The following RFT1 variants were observed in gnomAD, a reference collection of about 807,000 sequenced individuals.
RFT1 encodes RFT1 glycolipid translocator homolog, also known as man(5)GlcNAc(2)-PP-dolichol translocation protein RFT1.
Under a neutral mutation model 62.2 loss-of-function variants are expected in RFT1, and 43 were observed. The ratio of observed to expected loss-of-function variants is 0.69; its 90% CI spans 0.54 to 0.89. The LOEUF (loss-of-function observed/expected upper bound fraction) is 0.89. Among genes scored for constraint, RFT1 ranks in the 40% least tolerant of loss-of-function variants. The probability of loss-of-function intolerance (pLI) is 0.00; values close to 1 mark genes in which losing one functional copy is unlikely to be tolerated. For missense variants in RFT1, 605 were observed against 649.9 expected, an observed-to-expected ratio of 0.93 and a Z score of 0.75; for synonymous variants, 262 against 264.6, an observed-to-expected ratio of 0.99 and a Z score of 0.10.
chr3:53,103,374 C>T (rs1701371513), intron 10 of RFT1: 1 of 599,552 alleles, frequency 1.7e-6, no homozygotes, highest in Admixed American at 6.3e-5. Context: ...CAAGACCTAA[C>T]AAGTGCTGTG....
intron 11 of RFT1, among the ~76,000 whole-genome samples, chr3:53,095,563 A>G (rs1701115996): frequency 6.6e-6 from 1 of 152,118 alleles, no homozygotes; most frequent in Admixed American, 6.5e-5. Context: ...CAAAAAATAC[A>G]AAAATTAGCT....
chr3:53,070,622 C>T, the RFT1 span, among the ~76,000 whole-genome samples: 21 of 149,354 alleles, frequency 1.4e-4, no homozygotes, highest in Non-Finnish European at 2.1e-4. Context: ...AGGCTGGTCT[C>T]GAACTCCTGA....
intron 11 of RFT1, among the ~76,000 whole-genome samples, chr3:53,098,427 T>TGAGACACTCCCTCCCCATCC (rs369979654): frequency 0.07 from 10,686 of 151,638 alleles, 1,248 homozygotes; most frequent in African/African-American, 0.24. Flanking sequence ...GGTCCCCATT[T>TGAGACACTCCCTCCCCATCC]GAGACACTCC....
At chr3:53,127,497 C>G (rs1702138857) in intron 1 of RFT1, among the ~76,000 whole-genome samples, 1 of 152,000 alleles carries the variant, frequency 6.6e-6, no homozygotes, top group African/African-American at 2.4e-5. Flanking sequence ...GTCAGGAGAT[C>G]GAGACCATCC....
intron 9 of RFT1, 81 bp downstream of exon 9, chr3:53,105,592 A>G: frequency 6.6e-7 from 1 of 1,513,200 alleles, no homozygotes. Flanking sequence ...AACAGAAGAG[A>G]AACAGACTGC....
intron 6 of RFT1, among the ~76,000 whole-genome samples, chr3:53,118,537 A>T (rs1232758495): frequency 6.6e-6 from 1 of 152,214 alleles, no homozygotes; most frequent in Non-Finnish European, 1.5e-5. Flanking sequence ...GGATTCTGTG[A>T]ATTCTGAGAC....
At chr3:53,110,041 G>A (rs1178853593) in intron 7 of RFT1, among the ~76,000 whole-genome samples, 5 of 152,122 alleles carry the variant, frequency 3.3e-5, no homozygotes, top group Non-Finnish European at 7.3e-5. Context: ...CATTCAGGTC[G>A]AGCTCTGGAG....
In RFT1 at chr3:53,098,672, C is replaced by G. The variant is rs368369080; in HGVS notation, c.1208+709G>C. ...AAAAAATTAGCCAGGCATGGTGGCA[C>G]GCGCCTGTAGTCCCAGCTACCTGGG... On this transcript the variant is annotated intron_variant, in intron 11 of 12. Coordinates refer to ENST00000296292, the MANE Select transcript of RFT1 (RefSeq NM_052859.4). 6.5e-3 allele frequency among the ~76,000 whole-genome samples: 981 copies of G among 151,946 alleles called. 7 individuals are homozygous for G. Among genetic ancestry groups the G allele is most frequent in the Non-Finnish European group, 9.8e-3 (667 of 67,918 alleles).
chr3:53,086,417 GTGACTCTCC>G (rs1448527157), downstream of RFT1, among the ~76,000 whole-genome samples: 3 of 152,142 alleles, frequency 2.0e-5, no homozygotes, highest in Non-Finnish European at 1.5e-5. Flanking sequence ...CCGGGTTCAA[GTGACTCTCC>G]TGCCTCAGCC....
At chr3:53,098,404 G>C (rs867457209) in intron 11 of RFT1, among the ~76,000 whole-genome samples, 1 of 145,628 alleles carries the variant, frequency 6.9e-6, no homozygotes, top group South Asian at 2.1e-4. Context: ...GACACACACA[G>C]AGGAGGGGGA....
chr3:53,108,389 CTTTTTT>C (rs60743696), intron 7 of RFT1, among the ~76,000 whole-genome samples: 1 of 120,472 alleles, frequency 8.3e-6, no homozygotes, highest in Non-Finnish European at 1.8e-5. Flanking sequence ...GCTTTCATAT[CTTTTTT>C]TTTTTTTTTT....
chr3:53,101,457 C>A (rs1701311268), intron 10 of RFT1, among the ~76,000 whole-genome samples: 1 of 152,220 alleles, frequency 6.6e-6, no homozygotes, highest in South Asian at 2.1e-4. Flanking sequence ...GAACAGTGGG[C>A]TGTCGTGAGG....
At chr3:53,124,953 T>C (rs1172896911) in intron 2 of RFT1, among the ~76,000 whole-genome samples, 1 of 152,092 alleles carries the variant, frequency 6.6e-6, no homozygotes, top group African/African-American at 2.4e-5. Flanking sequence ...GCCTGGGTGA[T>C]AGGGCAAAAG....
the RFT1 span, among the ~76,000 whole-genome samples, chr3:53,067,292 C>T: frequency 6.6e-6 from 1 of 152,088 alleles, no homozygotes; most frequent in Non-Finnish European, 1.5e-5. Flanking sequence ...GAGGCTGCAG[C>T]GAGCCGTGAT....
At chr3:53,098,500 G>C (rs1374303887) in intron 11 of RFT1, among the ~76,000 whole-genome samples, 1 of 151,450 alleles carries the variant, frequency 6.6e-6, no homozygotes, top group East Asian at 1.9e-4. Flanking sequence ...GGTTACAGAG[G>C]CAGCATGAAA....
intron 6 of RFT1, among the ~76,000 whole-genome samples, chr3:53,116,755 C>T (rs1701817982): frequency 6.6e-6 from 1 of 152,142 alleles, no homozygotes; most frequent in African/African-American, 2.4e-5. Flanking sequence ...GCGCATGCCA[C>T]CATGCCCAGC....
At chr3:53,070,405 T>TGTTTTG in the RFT1 span, among the ~76,000 whole-genome samples, 2 of 138,538 alleles carry the variant, frequency 1.4e-5, no homozygotes. Context: ...TTTTTTTTTT[T>TGTTTTG]TTTTTTTTTT....
At position 53,092,524 on chromosome 3, in the gene RFT1, T is replaced by A. The variant is rs1701026409; in HGVS notation, c.1303A>T (p.Asn435Tyr). ...ATCCGAATGCCCATGTTAAAGCAGT[T>A]GGCCAAGATGAAGCCCACGCTGCCA... Reference protein sequence around the residue: ...WCGSVGFILANCFNMGIRITQ... With the variant: ...WCGSVGFILAYCFNMGIRITQ... The change falls in exon 12 of 13, where the codon AAC becomes TAC. Residue 435 changes from asparagine (N) to tyrosine (Y), a missense_variant. Physicochemically the swap from Asn to Tyr is moderately radical, Grantham distance 143. Transcript: ENST00000296292. 6.2e-7 allele frequency: 1 copy of A among 1,612,498 alleles called. No homozygotes were observed. Among genetic ancestry groups the A allele is most frequent in the East Asian group, 2.2e-5 (1 of 44,850 alleles).
Position 53,091,450 on chromosome 3 carries a change from TGAGA to T in RFT1, c.*449_*452del. On this transcript the variant is annotated 3_prime_UTR_variant, in exon 13 of 13. Transcript: ENST00000296292. ...CCACACTCTGTTTCCATGTGGTGCA[TGAGA>T]GAGAGAGGTTTCTCTCTCTCTTTTA... The T allele has an allele frequency of 5.0e-6, 1 of 201,614 alleles. No individual in the cohort carries two copies. Among genetic ancestry groups the T allele is most frequent in the Non-Finnish European group, 1.0e-5 (1 of 96,354 alleles). 12.5% of individuals were successfully genotyped at this position (201,614 alleles called of 1,614,324 possible). A position where few individuals can be genotyped will look rare whatever the true frequency, so the allele number is the denominator to read the frequency against.
Sources: allele counts gnomAD v4.1 joint callset (sites outside exome capture counted in the v4.1 genomes callset), GRCh38; gene constraint gnomAD v4.1.1; transcripts MANE v1.5; gene names NCBI Gene and HGNC (gene_info 2026-07-23, HGNC 2026-07-21).